The following RPGRIP1 variants were observed in gnomAD, a reference collection of about 807,000 sequenced individuals.
RPGRIP1 encodes X-linked retinitis pigmentosa GTPase regulator-interacting protein 1.
Under a neutral mutation model 157.9 loss-of-function variants are expected in RPGRIP1, and 128 were observed. The observed-to-expected ratio is 0.81, with a 90% CI of 0.70 to 0.94. The LOEUF (loss-of-function observed/expected upper bound fraction) is 0.94, where lower values mean the gene tolerates loss of function less well. Ranked by LOEUF, RPGRIP1 falls within the 40% of genes least tolerant of loss-of-function variation. The pLI is 0.00. For synonymous variants in RPGRIP1, 554 were observed against 571.6 expected, an observed-to-expected ratio of 0.97 and a Z score of 0.44; for missense variants, 1,486 against 1,545.8, an observed-to-expected ratio of 0.96 and a Z score of 0.65.
At chr14:21,288,409 G>T (rs1880381945) in intron 2 of RPGRIP1, among the ~76,000 whole-genome samples, 1 of 151,830 alleles carries the variant, frequency 6.6e-6, no homozygotes, top group Non-Finnish European at 1.5e-5. Flanking sequence ...TCAAATTCCT[G>T]ACCTCAAGGG....
intron 21 of RPGRIP1, among the ~76,000 whole-genome samples, chr14:21,339,522 C>A (rs1464862716): frequency 6.6e-6 from 1 of 152,150 alleles, no homozygotes; most frequent in African/African-American, 2.4e-5. Context: ...ACTCTTTTTT[C>A]TTCTTTTTTG....
intron 21 of RPGRIP1, among the ~76,000 whole-genome samples, chr14:21,335,046 CAAAAA>C (rs869065591): frequency 1.1e-4 from 3 of 28,050 alleles, no homozygotes; most frequent in Non-Finnish European, 1.5e-4. Flanking sequence ...AACTCTGTCT[CAAAAA>C]AAAAAAAAAA....
rs577863748 is a variant in RPGRIP1 at position 21,314,243 on chromosome 14, C to T, written c.1151+1737C>T. ...GACCACAGCCACACGCCACCACACC[C>T]GGCTAATAGTTTCTATATTGTGCAG... On this transcript the variant is annotated intron_variant, in intron 10 of 24. Transcript: ENST00000400017. 7.2e-5 allele frequency among the ~76,000 whole-genome samples: 11 copies of T among 152,078 alleles called. No homozygotes were observed. The South Asian group carries it at 1.9e-3, about 26-fold the overall frequency.
At chr14:21,341,431 CT>C (rs1191127285) in intron 21 of RPGRIP1, among the ~76,000 whole-genome samples, 1 of 152,160 alleles carries the variant, frequency 6.6e-6, no homozygotes, top group Non-Finnish European at 1.5e-5. Flanking sequence ...AGGAGCTCCA[CT>C]TGCTTTCTAA....
At chr14:21,306,967 G>A (rs10129999) in intron 6 of RPGRIP1, among the ~76,000 whole-genome samples, 35,954 of 151,028 alleles carry the variant, frequency 0.24, 4,449 homozygotes, top group South Asian at 0.29. Context: ...GTAGAGATGG[G>A]GTCTCACTAT....
At chr14:21,323,675 G>T (rs918358611) in intron 14 of RPGRIP1, among the ~76,000 whole-genome samples, 1 of 151,942 alleles carries the variant, frequency 6.6e-6, no homozygotes, top group African/African-American at 2.4e-5. Context: ...TTGATTTATA[G>T]AAATTCTTTT....
At chr14:21,322,120 T>C (rs774402885) in intron 14 of RPGRIP1, 116 bp downstream of exon 14, 11 of 779,572 alleles carry the variant, frequency 1.4e-5, no homozygotes, top group Non-Finnish European at 2.1e-5. Context: ...ATATGACTTA[T>C]CCTTCTTGTT....
Position 21,301,178 on chromosome 14 carries a change from A to C in RPGRIP1, c.431A>C (p.Gln144Pro). 3.8e-6 allele frequency: 6 copies of C among 1,595,958 alleles called. No individual in the cohort carries two copies. The highest frequency in any genetic ancestry group is 4.3e-6 in the Non-Finnish European group (5 of 1,171,930). The change falls in exon 4 of 25, where the codon CAA becomes CCA. Residue 144 changes from glutamine (Q) to proline (P), a missense_variant. Gln to Pro is a moderately conservative substitution (Grantham distance 76, BLOSUM62 -1). Coordinates refer to ENST00000400017, the MANE Select transcript of RPGRIP1 (RefSeq NM_020366.4). ...CCCCGCCGCGCCCAGCCTCGCGTCC[A>C]AGTGGGACACAGACAGCTCCACACA... ...ASPRRAQPRVQVGHRQLHTAG... is the reference protein window; with the variant it reads ...ASPRRAQPRVPVGHRQLHTAG...
At chr14:21,307,862 T>C (rs1486990288) in intron 7 of RPGRIP1, 26 bp downstream of exon 7, 4 of 1,329,934 alleles carry the variant, frequency 3.0e-6, no homozygotes, top group Non-Finnish European at 4.1e-6. Context: ...CAGCTGTGCT[T>C]TCTTGGTGGG....
intron 21 of RPGRIP1, among the ~76,000 whole-genome samples, chr14:21,340,723 A>AT (rs998978250): frequency 2.4e-4 from 37 of 152,138 alleles, no homozygotes; most frequent in African/African-American, 8.9e-4. Flanking sequence ...GCTTTTATAC[A>AT]TTTTTTATAG....
At chr14:21,323,545 C>G (rs1161898246) in intron 14 of RPGRIP1, among the ~76,000 whole-genome samples, 1 of 152,038 alleles carries the variant, frequency 6.6e-6, no homozygotes, top group Non-Finnish European at 1.5e-5. Context: ...TTTGCTTTAG[C>G]TAATAGTTCT....
At chr14:21,283,153 C>T (rs1461134240) in intron 1 of RPGRIP1, among the ~76,000 whole-genome samples, 1 of 152,226 alleles carries the variant, frequency 6.6e-6, no homozygotes, top group African/African-American at 2.4e-5. Context: ...CCTTCTACTA[C>T]AGCTCCATTT....
At chr14:21,288,115 G>C in intron 2 of RPGRIP1, 54 bp downstream of exon 2, 1 of 1,135,234 alleles carries the variant, frequency 8.8e-7, no homozygotes, top group Non-Finnish European at 1.3e-6. Flanking sequence ...AACTCTCACT[G>C]TGGAACATCT....
chr14:21,314,442 A>G (rs1337554872), intron 10 of RPGRIP1, among the ~76,000 whole-genome samples: 2 of 152,046 alleles, frequency 1.3e-5, no homozygotes, highest in African/African-American at 4.8e-5. Context: ...TTCATGCATT[A>G]ATTTTATAAT....
intron 3 of RPGRIP1, among the ~76,000 whole-genome samples, chr14:21,297,834 A>ATTTTTTTTCTTTCTTTCTTTCTTTCT (rs146421534): frequency 7.5e-6 from 1 of 133,216 alleles, no homozygotes; most frequent in East Asian, 2.2e-4. Context: ...TCAATAAATT[A>ATTTTTTTTCTTTCTTTCTTTCTTTCT]TTCTTTCTTT....
chr14:21,317,617 A>G lies in RPGRIP1; in HGVS notation c.1152-79A>G, dbSNP rs548136758. 4.5e-6 allele frequency: 7 copies of G among 1,550,472 alleles called. No homozygotes were observed. In the African/African-American group the frequency reaches 9.6e-5, roughly 21 times the overall value. On this transcript the variant is annotated intron_variant, in intron 10 of 24. Coordinates refer to ENST00000400017, the MANE Select transcript of RPGRIP1 (RefSeq NM_020366.4). ...GAGAGAATGAGGAACTAGGTCCAGG[A>G]GATGCTGAAACTGGATAATAAAGAC...
At chr14:21,297,492 G>A (rs775269660) in intron 3 of RPGRIP1, among the ~76,000 whole-genome samples, 4 of 152,104 alleles carry the variant, frequency 2.6e-5, no homozygotes, top group Admixed American at 6.6e-5. Context: ...AATCTGAGAC[G>A]GAGGTGAGGG....
intron 18 of RPGRIP1, among the ~76,000 whole-genome samples, chr14:21,328,169 CA>C (rs112502688): frequency 0.26 from 38,022 of 144,398 alleles, 5,641 homozygotes; most frequent in African/African-American, 0.43. Flanking sequence ...AACTCTGTCT[CA>C]AAAAAAAAAA....
At chr14:21,285,837 G>T (rs1435285247) in intron 1 of RPGRIP1, among the ~76,000 whole-genome samples, 1 of 151,930 alleles carries the variant, frequency 6.6e-6, no homozygotes, top group Non-Finnish European at 1.5e-5. Flanking sequence ...TTATGAACTG[G>T]GTTGTTTTAT....
Sources: gnomAD v4.1 joint callset for allele counts (sites outside exome capture counted in the v4.1 genomes callset) on GRCh38, gnomAD v4.1.1 for gene constraint, MANE v1.5 for transcripts, NCBI Gene and HGNC (gene_info 2026-07-23, HGNC 2026-07-21) for gene names.